The following GALNT9 variants were observed in gnomAD, a reference collection of about 807,000 sequenced individuals.
The protein encoded by GALNT9 is GalNAc transferase 9.
Under a neutral mutation model 63.1 loss-of-function variants are expected in GALNT9, and 47 were observed. The ratio of observed to expected loss-of-function variants is 0.75; its 90% confidence interval spans 0.59 to 0.95. GALNT9 has a LOEUF of 0.95. GALNT9 is among the 40% of genes least tolerant of loss of function. The pLI is 0.00. For synonymous variants in GALNT9, 396 were observed against 365.7 expected, an observed-to-expected ratio of 1.08 and a Z score of -0.94; for missense variants, 829 against 874.8, an observed-to-expected ratio of 0.95 and a Z score of 0.66.
intron 8 of GALNT9, among the ~76,000 whole-genome samples, chr12:132,200,253 G>A (rs1049196056): frequency 2.6e-4 from 40 of 152,194 alleles, no homozygotes; most frequent in African/African-American, 8.7e-4. Context: ...GGGCTGGGAC[G>A]CTCGAGTCTC....
At chr12:132,197,664 TCCCCTGACCAC>T (rs990255108) in intron 10 of GALNT9, 117 bp downstream of exon 10, 13 of 724,432 alleles carry the variant, frequency 1.8e-5, no homozygotes, top group Middle Eastern at 3.9e-4. Context: ...CAAGGCCCGG[TCCCCTGACCAC>T]CCCCTGCCGC....
At chr12:132,271,878 T>C (rs1555240762) in intron 2 of GALNT9, among the ~76,000 whole-genome samples, 1 of 152,084 alleles carries the variant, frequency 6.6e-6, no homozygotes, top group Admixed American at 6.5e-5. Context: ...GTGCTGTGTG[T>C]GTTACTGCGG....
intron 6 of GALNT9, among the ~76,000 whole-genome samples, chr12:132,213,489 C>CACAT (rs1414438983): frequency 4.6e-5 from 7 of 151,176 alleles, no homozygotes; most frequent in Non-Finnish European, 7.4e-5. Flanking sequence ...CCCACACACA[C>CACAT]GCACTCCACT....
chr12:132,314,662 GC>G lies in GALNT9; in HGVS notation c.238+14303del, dbSNP rs1868417411. 2.0e-5 allele frequency among the ~76,000 whole-genome samples: 3 copies of G among 152,336 alleles called. No homozygotes were observed. The East Asian group carries it at 5.8e-4, about 29-fold the overall frequency. On this transcript the variant is annotated intron_variant, in intron 1 of 10. Coordinates refer to ENST00000328957, the MANE Select transcript of GALNT9 (RefSeq NM_001122636.2). ...TAGAGAGCAGAGAGTGCAGGCTGCT[GC>G]CCCCCTGCCTGACTGTGAACTCCCA...
At chr12:132,302,580 G>A (rs549498431) in intron 1 of GALNT9, among the ~76,000 whole-genome samples, 1 of 152,202 alleles carries the variant, frequency 6.6e-6, no homozygotes, top group African/African-American at 2.4e-5. Flanking sequence ...GCAGGTCCAG[G>A]TGGCCCTGGT....
At chr12:132,271,114 T>G (rs1419945270) in intron 2 of GALNT9, among the ~76,000 whole-genome samples, 4 of 152,274 alleles carry the variant, frequency 2.6e-5, no homozygotes, top group African/African-American at 9.6e-5. Flanking sequence ...CAGTCCCCCA[T>G]GCGCCCTTCA....
chr12:132,272,081 G>A (rs933611030), intron 2 of GALNT9, among the ~76,000 whole-genome samples: 6 of 152,282 alleles, frequency 3.9e-5, no homozygotes, highest in East Asian at 1.9e-4. Flanking sequence ...CGCCCCGCCC[G>A]GCTCCCCCAA....
chr12:132,303,406 C>G (rs61945665), intron 1 of GALNT9, among the ~76,000 whole-genome samples: 36,775 of 106,402 alleles, frequency 0.35, 7,157 homozygotes, highest in East Asian at 0.5. Context: ...CCCGGGCACA[C>G]CCTCACCCGG....
chr12:132,222,723 C>T (rs952776888), intron 6 of GALNT9, among the ~76,000 whole-genome samples: 11 of 151,840 alleles, frequency 7.2e-5, no homozygotes, highest in Non-Finnish European at 1.3e-4. Context: ...CACATTCCAT[C>T]GGCTCCTGAG....
At chr12:132,295,566 G>C (rs966935220) in intron 1 of GALNT9, among the ~76,000 whole-genome samples, 13 of 152,248 alleles carry the variant, frequency 8.5e-5, no homozygotes, top group African/African-American at 3.1e-4. Context: ...GCAGAGAAGG[G>C]GCACACACGT....
At position 132,257,817 on chromosome 12, in the gene GALNT9, G is replaced by C; in HGVS notation, c.831C>G (p.Ile277Met). Residue 277 changes from isoleucine (I) to methionine (M), a missense_variant, in exon 5 of 11, where the codon ATC (isoleucine) becomes ATG (methionine). Transcript: ENST00000328957. ...RRIVLPAIDN[I>M]KYSTFEVQQY... ...GCTGCACCTCAAACGTGCTGTACTT[G>C]ATGTTGTCGATGGCTGGCAGCACGA... 6.5e-7 allele frequency: 1 copy of C among 1,550,310 alleles called. No individual in the cohort carries two copies. The highest frequency in any genetic ancestry group is 2.4e-5 in the East Asian group (1 of 40,908).
chr12:132,230,893 G>C (rs1260904174), intron 6 of GALNT9, among the ~76,000 whole-genome samples: 1 of 152,212 alleles, frequency 6.6e-6, no homozygotes, highest in South Asian at 2.1e-4. Flanking sequence ...ACCTCCATTC[G>C]GGACGTCTTG....
In GALNT9 at chr12:132,310,367, C is replaced by T. The variant is rs1555245073; in HGVS notation, c.238+18599G>A. 1.3e-5 allele frequency among the ~76,000 whole-genome samples: 2 copies of T among 152,206 alleles called. No homozygotes were observed. The highest frequency in any genetic ancestry group is 4.8e-5 in the African/African-American group (2 of 41,450). On this transcript the variant is annotated intron_variant, in intron 1 of 10. Coordinates refer to ENST00000328957, the MANE Select transcript of GALNT9 (RefSeq NM_001122636.2). The surrounding 1 kb of genome is among the most constrained non-coding windows in gnomAD (Gnocchi z 4.8). ...CTCTGAGTTCCCTCACCCAGAGGAG[C>T]CGGGGCTGAGTGCCAGGAGTGAGAG...
chr12:132,293,488 C>T (rs1264447583), intron 1 of GALNT9, among the ~76,000 whole-genome samples: 1 of 152,236 alleles, frequency 6.6e-6, no homozygotes, highest in African/African-American at 2.4e-5. Flanking sequence ...CAAGCTTCTC[C>T]ACACACGCAT....
Position 132,286,562 on chromosome 12 carries a change from G to A in GALNT9, c.239-132C>T. On this transcript the variant is annotated intron_variant, in intron 1 of 10. Transcript: ENST00000328957. This position sits in a 1 kb window ranked among gnomAD's most constrained non-coding sequence, Gnocchi z 7.4. The stretch of plus-strand genomic sequence containing the variant: ...CAAGCCCAGCAAACTCCCTGCAGAT[G>A]GCAGGCTGCCAGCTCAGGACATTCC... 2 of 1,365,108 alleles carry A rather than the reference G, an allele frequency of 1.5e-6. No individual in the cohort carries two copies. The highest frequency in any genetic ancestry group is 2.7e-4 in the Middle Eastern group (1 of 3,760). The allele number at this position is 1,365,108 out of a possible 1,614,324, so 84.6% of individuals were successfully genotyped here. A position where few individuals can be genotyped will look rare whatever the true frequency, so the allele number is the denominator to read the frequency against.
In GALNT9 at chr12:132,197,223, G is replaced by A. The variant is rs780731886; in HGVS notation, c.1696C>T (p.Arg566Cys). 35 of 1,613,246 alleles carry A rather than the reference G, an allele frequency of 2.2e-5. No homozygotes were observed. Among genetic ancestry groups the A allele is most frequent in the East Asian group, 8.9e-5 (4 of 44,886 alleles). Reference sequence around the variant, plus strand: ...TTGGACATCTCCACCTCCAGGCAGCGGCCCGTGGCCCGGCTCACAATGGGG... The same window carrying A: ...TTGGACATCTCCACCTCCAGGCAGCAGCCCGTGGCCCGGCTCACAATGGGG... ...SGPIVSRATGRCLEVEMSKDA... is the reference protein window; with the variant it reads ...SGPIVSRATGCCLEVEMSKDA... The change falls in exon 11 of 11, where the codon CGC (arginine) becomes TGC (cysteine). Residue 566 changes from arginine to cysteine, a missense_variant. Transcript: ENST00000328957.
At chr12:132,204,285 C>A (rs1348293894) in intron 6 of GALNT9, among the ~76,000 whole-genome samples, 1 of 152,220 alleles carries the variant, frequency 6.6e-6, no homozygotes, top group Non-Finnish European at 1.5e-5. Context: ...TTAAGCAATA[C>A]CAGCCTTCCT....
intron 1 of GALNT9, among the ~76,000 whole-genome samples, chr12:132,302,976 G>T (rs920966272): frequency 6.6e-6 from 1 of 152,088 alleles, no homozygotes; most frequent in African/African-American, 2.4e-5. Context: ...TAAGGGGGGC[G>T]AGGGTGGAAC....
intron 6 of GALNT9, among the ~76,000 whole-genome samples, chr12:132,243,389 G>A (rs1450137770): frequency 6.0e-5 from 9 of 150,546 alleles, no homozygotes; most frequent in South Asian, 2.1e-4. Context: ...CCCGTCCTCC[G>A]GAGCTCTCTC....
Sources: allele counts gnomAD v4.1 joint callset (sites outside exome capture counted in the v4.1 genomes callset), GRCh38; gene constraint gnomAD v4.1.1; non-coding constraint Gnocchi (gnomAD v3.1); transcripts MANE v1.5; gene names NCBI Gene and HGNC (gene_info 2026-07-23, HGNC 2026-07-21).